PTCD1: variants seen among roughly 807,000 people sequenced by gnomAD.
The protein encoded by PTCD1 is pentatricopeptide repeat-containing protein 1, mitochondrial.
A neutral mutation model predicts 53.4 loss-of-function variants in PTCD1; 50 were observed. The observed-to-expected ratio is 0.94, with a 90% CI of 0.75 to 1.19. PTCD1 has a LOEUF of 1.19. Among genes scored for constraint, PTCD1 ranks in the 50% most tolerant of loss-of-function variants. PTCD1 has a pLI of 0.00. For missense variants in PTCD1, 918 were observed against 904.8 expected, an observed-to-expected ratio of 1.01 and a Z score of -0.19; for synonymous variants, 413 against 394.8, an observed-to-expected ratio of 1.05 and a Z score of -0.55.
rs1233494608 is a variant in PTCD1, at chr7:99,417,468, A to G, written c.*2499T>C. On this transcript the variant is annotated 3_prime_UTR_variant, in exon 8 of 8. Coordinates refer to ENST00000292478, the MANE Select transcript of PTCD1 (RefSeq NM_015545.4). ...TGTATTAAAGAAGGCTATGCAGACA[A>G]AAACCTGATTGCAAAATGGAAAAAG... The G allele has an allele frequency of 6.2e-7, 1 of 1,612,672 alleles. No individual in the cohort carries two copies. Among genetic ancestry groups the G allele is most frequent in the East Asian group, 2.2e-5 (1 of 44,884 alleles).
chr7:99,436,435 G>A (rs1562848444), intron 1 of PTCD1, among the ~76,000 whole-genome samples: 2 of 152,102 alleles, frequency 1.3e-5, no homozygotes, highest in African/African-American at 2.4e-5. Context: ...GCCTGACGTG[G>A]TGAACCCTAT....
rs147963003 is a variant in PTCD1 at position 99,425,231 on chromosome 7, G to T, written c.1301C>A (p.Pro434His). 6.2e-7 allele frequency: 1 copy of T among 1,611,980 alleles called. No individual in the cohort carries two copies. The highest frequency in any genetic ancestry group is 2.2e-5 in the East Asian group (1 of 44,822). ...GAGGTTGACTTCCAGCTCCACGGGA[G>T]GTGGCTTCAGGGCCACTGCGGTGAG... Reference protein sequence around the residue: ...AALTAVALKPPPVELEVNLLT... With the variant: ...AALTAVALKPHPVELEVNLLT... The change falls in exon 6 of 8, where the codon CCT becomes CAT. Residue 434 changes from proline (P) to histidine (H), a missense_variant. By Grantham distance (77) the Pro-to-His change is moderately conservative. Coordinates refer to ENST00000292478, the MANE Select transcript of PTCD1 (RefSeq NM_015545.4).
chr7:99,421,590 A>C (rs1342320781), intron 7 of PTCD1, among the ~76,000 whole-genome samples: 1 of 151,132 alleles, frequency 6.6e-6, no homozygotes, highest in Non-Finnish European at 1.5e-5. Flanking sequence ...TAAAAAAAAA[A>C]AAAAAACCAC....
intron 7 of PTCD1, among the ~76,000 whole-genome samples, chr7:99,420,497 C>G (rs1197890157): frequency 1.3e-5 from 2 of 152,208 alleles, no homozygotes; most frequent in South Asian, 2.1e-4. Context: ...AGCCCCTCCC[C>G]ATCAAAGCCA....
chr7:99,431,963 T>G (rs1562845294), intron 3 of PTCD1, among the ~76,000 whole-genome samples: 1 of 152,152 alleles, frequency 6.6e-6, no homozygotes, highest in Non-Finnish European at 1.5e-5. Context: ...AGGGTGTGCT[T>G]TGTTAAAAAA....
In PTCD1 at chr7:99,435,110, G is replaced by A. The variant is rs933940180; in HGVS notation, c.133C>T (p.Pro45Ser). ...AGCTGAGAGGAGGAGCTGCTGAAGG[G>A]CGCCCACATTGGCCGCATCAGCCCC... is the stretch of plus-strand genomic sequence containing the variant. ...REGLMRPMWA[P>S]FSSSSSQLPL... The change falls in exon 2 of 8, where the codon CCC (proline) becomes TCC (serine). Residue 45 changes from proline to serine, a missense_variant. Physicochemically the swap from Pro to Ser is moderately conservative, Grantham distance 74. Transcript: ENST00000292478. 1.9e-6 allele frequency: 3 copies of A among 1,605,346 alleles called. No individual in the cohort carries two copies. In the East Asian group the frequency reaches 6.7e-5, roughly 36 times the overall value.
At chr7:99,435,488 A>T (rs1703570212) in intron 1 of PTCD1, among the ~76,000 whole-genome samples, 1 of 151,600 alleles carries the variant, frequency 6.6e-6, no homozygotes, top group African/African-American at 2.4e-5. Context: ...AAAATACAAA[A>T]ATTAGCCAGG....
chr7:99,435,850 G>A (rs369687333), intron 1 of PTCD1, among the ~76,000 whole-genome samples: 14 of 145,326 alleles, frequency 9.6e-5, no homozygotes, highest in Non-Finnish European at 1.7e-4. Context: ...TAGGAGAATC[G>A]CTTGAACCCA....
intron 3 of PTCD1, 72 bp downstream of exon 3, chr7:99,433,206 G>T: frequency 6.2e-7 from 1 of 1,611,338 alleles, no homozygotes; most frequent in Non-Finnish European, 8.5e-7. Context: ...TAAAGCACTA[G>T]CAAGTGGCAC....
chr7:99,428,260 G>A (rs1010516500), intron 5 of PTCD1, among the ~76,000 whole-genome samples: 1 of 151,864 alleles, frequency 6.6e-6, no homozygotes, highest in Non-Finnish European at 1.5e-5. Context: ...AAAATTAGCT[G>A]GGCATGGTGG....
intron 7 of PTCD1, 32 bp downstream of exon 7, chr7:99,423,743 A>C (rs1173711221): frequency 1.2e-6 from 2 of 1,612,788 alleles, no homozygotes; most frequent in Non-Finnish European, 1.7e-6. Context: ...ATGGTGAAGG[A>C]GCTGATGAGC....
At position 99,423,952 on chromosome 7, in the gene PTCD1, G is replaced by A; in HGVS notation, c.1743C>T (p.Ser581=). ...GLQLLTDMKK[S]QVTPNTHIYS... is the part of the protein sequence containing the mutation. ...AGATGTGAGTGTTGGGGGTCACCTG[G>A]GACTTCTAGAACACAGGGACATCGT... Residue 581 remains serine, a synonymous_variant, in exon 7 of 8, where the codon TCC becomes TCT. Coordinates refer to ENST00000292478, the MANE Select transcript of PTCD1 (RefSeq NM_015545.4). The A allele has an allele frequency of 6.2e-7, 1 of 1,614,058 alleles. No homozygotes were observed. The highest frequency in any genetic ancestry group is 8.5e-7 in the Non-Finnish European group (1 of 1,179,980).
intron 5 of PTCD1, among the ~76,000 whole-genome samples, chr7:99,428,639 G>A (rs1796147723): frequency 6.6e-6 from 1 of 151,972 alleles, no homozygotes; most frequent in South Asian, 2.1e-4. Context: ...TACTCGGGAG[G>A]CTGAGGCAGG....
chr7:99,428,444 A>T (rs1028267345), intron 5 of PTCD1, among the ~76,000 whole-genome samples: 2 of 150,482 alleles, frequency 1.3e-5, no homozygotes, highest in Non-Finnish European at 3.0e-5. Context: ...AAAGAAAAAG[A>T]AAAAAAAAGC....
At chr7:99,422,477 C>G (rs1485804016) in intron 7 of PTCD1, among the ~76,000 whole-genome samples, 7 of 152,310 alleles carry the variant, frequency 4.6e-5, no homozygotes, top group African/African-American at 1.2e-4. Context: ...AAAGCAGATT[C>G]CATGACTCTG....
At position 99,424,800 on chromosome 7, in the gene PTCD1, T is replaced by C. The variant is rs1308850128; in HGVS notation, c.1732A>G (p.Met578Val). 1.9e-6 allele frequency: 3 copies of C among 1,614,186 alleles called. No individual in the cohort carries two copies. Among genetic ancestry groups the C allele is most frequent in the East Asian group, 2.2e-5 (1 of 44,874 alleles). The change falls in exon 6 of 8, where the codon ATG becomes GTG. Residue 578 changes from methionine to valine, a missense_variant. By Grantham distance (21) the Met-to-Val change is conservative (BLOSUM62 1). Transcript: ENST00000292478. Reference protein sequence around the residue: ...PKDGLQLLTDMKKSQVTPNTH... With the variant: ...PKDGLQLLTDVKKSQVTPNTH... The stretch of plus-strand genomic sequence containing the variant: ...CCAGGCCCGAGTCCACTCACCTTCA[T>C]GTCTGTGAGAAGCTGTAGACCGTCC...
At chr7:99,420,230 G>C in intron 7 of PTCD1, 81 bp from the exon 8 acceptor site, 1 of 1,597,612 alleles carries the variant, frequency 6.3e-7, no homozygotes, top group South Asian at 1.1e-5. Flanking sequence ...TCAGGCCTCA[G>C]GGAAGCTGGT....
At chr7:99,423,184 C>T (rs1795893777) in intron 7 of PTCD1, among the ~76,000 whole-genome samples, 1 of 151,972 alleles carries the variant, frequency 6.6e-6, no homozygotes, top group Admixed American at 6.6e-5. Flanking sequence ...GACAATGACA[C>T]CACTTCACTG....
intron 1 of PTCD1, chr7:99,438,441 G>A: frequency 1.1e-6 from 1 of 930,242 alleles, no homozygotes; most frequent in Non-Finnish European, 1.3e-6. Flanking sequence ...CTCCAGCCTG[G>A]GCCACAGAGC....
Sources: allele counts gnomAD v4.1 joint callset (sites outside exome capture counted in the v4.1 genomes callset), GRCh38; gene constraint gnomAD v4.1.1; transcripts MANE v1.5; gene names NCBI Gene and HGNC (gene_info 2026-07-23, HGNC 2026-07-21).